The following CSMD1 variants were observed in gnomAD, a reference collection of about 807,000 sequenced individuals.
The protein encoded by CSMD1 is CUB and Sushi multiple domains 1, also known as CUB and sushi domain-containing protein 1.
Under a neutral mutation model 417.5 loss-of-function variants are expected in CSMD1, and 213 were observed. That is an observed-to-expected ratio of 0.51 (90% CI 0.46 to 0.57). CSMD1 has a LOEUF of 0.57. Ranked by LOEUF, CSMD1 falls within the 20% of genes least tolerant of loss-of-function variation. The pLI is 0.00. For missense variants in CSMD1, 6,923 were observed against 4,529.7 expected (o/e 1.53, Z -15.17); for synonymous variants, 2,862 against 1,736.8 (o/e 1.65, Z -16.11).
At chr8:4,082,370 G>C (rs1026258908) in intron 3 of CSMD1, among the ~76,000 whole-genome samples, 31 of 152,260 alleles carry the variant, frequency 2.0e-4, no homozygotes, top group Non-Finnish European at 4.4e-4. Flanking sequence ...GGTTTCACTG[G>C]TGAGTTCTGC....
chr8:4,233,382 G>T (rs565589564), intron 3 of CSMD1, among the ~76,000 whole-genome samples: 6 of 152,260 alleles, frequency 3.9e-5, no homozygotes, highest in African/African-American at 1.2e-4. Context: ...TAAGTACTAT[G>T]TTCTGAAAGT....
chr8:4,909,172 C>T (rs1805497589), intron 1 of CSMD1, among the ~76,000 whole-genome samples: 1 of 152,146 alleles, frequency 6.6e-6, no homozygotes, highest in African/African-American at 2.4e-5. Context: ...GGGCCTTCTG[C>T]TGTAATCCAC....
At chr8:3,960,130 A>G (rs1169552254) in intron 5 of CSMD1, among the ~76,000 whole-genome samples, 1 of 152,200 alleles carries the variant, frequency 6.6e-6, no homozygotes, top group Non-Finnish European at 1.5e-5. Context: ...AATGATAATG[A>G]TAGAAACTTA....
intron 6 of CSMD1, among the ~76,000 whole-genome samples, chr8:3,713,289 T>A (rs914742312): frequency 6.6e-6 from 1 of 152,246 alleles, no homozygotes; most frequent in Non-Finnish European, 1.5e-5. Context: ...ACTCACTTTC[T>A]GTAGGTTGTT....
intron 5 of CSMD1, among the ~76,000 whole-genome samples, chr8:3,954,883 G>T (rs1294968443): frequency 1.3e-5 from 2 of 152,168 alleles, no homozygotes; most frequent in African/African-American, 4.8e-5. Flanking sequence ...TTATTCTGGT[G>T]GAGGGTACGT....
At chr8:3,807,419 T>A (rs1461714259) in intron 5 of CSMD1, among the ~76,000 whole-genome samples, 9 of 130,746 alleles carry the variant, frequency 6.9e-5, no homozygotes, top group African/African-American at 2.3e-4. Context: ...AGAGGATGTT[T>A]TCTCTGATTT....
chr8:3,295,215 C>G (rs1417586975), intron 25 of CSMD1, among the ~76,000 whole-genome samples: 1 of 152,016 alleles, frequency 6.6e-6, no homozygotes, highest in Non-Finnish European at 1.5e-5. Context: ...AGCTCTGCCA[C>G]CCGGGTTCAT....
chr8:3,600,643 C>G (rs1175705695), intron 8 of CSMD1, among the ~76,000 whole-genome samples: 5 of 152,070 alleles, frequency 3.3e-5, no homozygotes, highest in African/African-American at 9.7e-5. Flanking sequence ...ACTGGTGACC[C>G]CAGATGATAA....
At position 3,715,624 on chromosome 8, in the gene CSMD1, C is replaced by A. The variant is rs180839170; in HGVS notation, c.932-7133G>T. On this transcript the variant is annotated intron_variant, in intron 6 of 69. Transcript: ENST00000635120. ...GTGACACAATCTGGACTCACTGCAACCTCCACCTCCCGGGTTCAAGTGATT... is the reference window on the plus strand; with the variant it reads ...GTGACACAATCTGGACTCACTGCAAACTCCACCTCCCGGGTTCAAGTGATT... Among the ~76,000 whole-genome samples the A allele has an allele frequency of 1.2e-3, 187 of 152,286 alleles. 2 individuals carry two copies. Among genetic ancestry groups the A allele is most frequent in the African/African-American group, 4.3e-3 (179 of 41,558 alleles).
intron 1 of CSMD1, among the ~76,000 whole-genome samples, chr8:4,905,798 C>CCA (rs1441263437): frequency 7.0e-6 from 1 of 141,916 alleles, no homozygotes; most frequent in African/African-American, 2.7e-5. Context: ...CCAGCCTGGG[C>CCA]CACAGAGCGA....
intron 2 of CSMD1, among the ~76,000 whole-genome samples, chr8:4,528,789 CTCT>C (rs1796649748): frequency 6.6e-6 from 1 of 151,696 alleles, no homozygotes; most frequent in Admixed American, 6.6e-5. Context: ...CTTTCTCTCT[CTCT>C]CTCTCTCTCT....
intron 1 of CSMD1, among the ~76,000 whole-genome samples, chr8:4,784,858 C>G (rs921501968): frequency 6.6e-6 from 1 of 152,132 alleles, no homozygotes; most frequent in East Asian, 1.9e-4. Context: ...TCCATTAAAA[C>G]TAAATTTGCT....
intron 3 of CSMD1, among the ~76,000 whole-genome samples, chr8:4,187,437 A>T (rs919515674): frequency 1.3e-5 from 2 of 152,174 alleles, no homozygotes; most frequent in African/African-American, 4.8e-5. Flanking sequence ...ACCTGAGGTC[A>T]GGAAGAGACC....
chr8:4,841,214 T>A (rs1463637327), intron 1 of CSMD1, among the ~76,000 whole-genome samples: 2 of 152,258 alleles, frequency 1.3e-5, no homozygotes, highest in Non-Finnish European at 2.9e-5. Flanking sequence ...TGTTGATATA[T>A]CTAGATAAAA....
intron 10 of CSMD1, among the ~76,000 whole-genome samples, chr8:3,504,328 G>A (rs372622073): frequency 5.3e-5 from 8 of 152,222 alleles, no homozygotes; most frequent in Middle Eastern, 3.4e-3. Context: ...CTTACTCAAC[G>A]AGAGTCTTGA....
chr8:4,167,562 G>A (rs2552095), intron 3 of CSMD1, among the ~76,000 whole-genome samples: 147,261 of 152,314 alleles, frequency 0.97, 71,344 homozygotes, highest in Middle Eastern at 1. Flanking sequence ...GCAGAAATTA[G>A]CAGCAAAAAT....
intron 10 of CSMD1, among the ~76,000 whole-genome samples, chr8:3,496,994 CA>C (rs557699504): frequency 2.0e-5 from 3 of 152,206 alleles, no homozygotes; most frequent in South Asian, 2.1e-4. Flanking sequence ...CTGTTACAGT[CA>C]AAAAATATAC....
chr8:4,591,897 G>T (rs1800004932), intron 2 of CSMD1, among the ~76,000 whole-genome samples: 1 of 152,188 alleles, frequency 6.6e-6, no homozygotes, highest in East Asian at 1.9e-4. Flanking sequence ...GCTGAAAGTT[G>T]GGCAGACATT....
chr8:4,069,160 A>T (rs999564559), intron 3 of CSMD1, among the ~76,000 whole-genome samples: 1 of 152,214 alleles, frequency 6.6e-6, no homozygotes, highest in South Asian at 2.1e-4. Context: ...GGTTGCAAAT[A>T]TATACTATGA....
Sources: gnomAD v4.1 joint callset for allele counts (sites outside exome capture counted in the v4.1 genomes callset) on GRCh38, gnomAD v4.1.1 for gene constraint, MANE v1.5 for transcripts, NCBI Gene and HGNC (gene_info 2026-07-23, HGNC 2026-07-21) for gene names.